Variants in GDPD4 observed in about 807,000 individuals in gnomAD.
GDPD4 encodes glycerophosphodiester phosphodiesterase domain containing 4.
In GDPD4, 60 loss-of-function variants were observed where a neutral mutation model predicts 67.8. The observed-to-expected ratio is 0.88, with a 90% confidence interval of 0.72 to 1.10. GDPD4 has a LOEUF of 1.10. Among genes scored for constraint, GDPD4 ranks in the 50% least tolerant of loss-of-function variants. The probability of loss-of-function intolerance (pLI) is 0.00; values close to 1 mark genes in which losing one functional copy is unlikely to be tolerated. For synonymous variants in GDPD4, 212 were observed against 210.9 expected (o/e 1.00, Z -0.04); for missense variants, 623 against 613.9 (o/e 1.01, Z -0.16).
chr11:77,244,938 A>G (rs192785435), intron 12 of GDPD4, among the ~76,000 whole-genome samples: 6 of 152,304 alleles, frequency 3.9e-5, no homozygotes, highest in Non-Finnish European at 5.9e-5. Context: ...AAGTCTTCAA[A>G]GCCTTAATGT....
At chr11:77,230,528 T>C (rs183825471) in intron 14 of GDPD4, among the ~76,000 whole-genome samples, 1 of 152,320 alleles carries the variant, frequency 6.6e-6, no homozygotes, top group Non-Finnish European at 1.5e-5. Context: ...TTCAGATTGA[T>C]TGTCCTAATG....
chr11:77,279,381 T>C lies in GDPD4; in HGVS notation c.72A>G (p.Thr24=). The C allele has an allele frequency of 1.2e-6, 2 of 1,610,306 alleles. No individual in the cohort carries two copies. Among genetic ancestry groups the C allele is most frequent in the Non-Finnish European group, 1.7e-6 (2 of 1,176,792 alleles). ...AAATAGACCAGAAAAACCAGTATCC[T>C]GTTCCTAGAAAAGTGACCCTGAAAA... ...FNFDWVTFLG[T]GYWFFWSIFI... Residue 24 remains threonine, a synonymous_variant, in exon 4 of 17, where the codon ACA becomes ACG. Coordinates refer to ENST00000315938, the MANE Select transcript of GDPD4 (RefSeq NM_182833.3).
At chr11:77,264,015 A>C (rs1959165778) in intron 10 of GDPD4, among the ~76,000 whole-genome samples, 1 of 152,174 alleles carries the variant, frequency 6.6e-6, no homozygotes, top group African/African-American at 2.4e-5. Context: ...GAGGAGGTCA[A>C]CATTTCTTCA....
intron 16 of GDPD4, among the ~76,000 whole-genome samples, chr11:77,219,340 C>G (rs1412072019): frequency 1.3e-5 from 2 of 152,170 alleles, no homozygotes; most frequent in Admixed American, 1.3e-4. Context: ...GTTACCTGTT[C>G]ACTCCGATGG....
At chr11:77,289,403 AAGAGACAG>A (rs1271324133) in intron 1 of GDPD4, among the ~76,000 whole-genome samples, 3 of 147,876 alleles carry the variant, frequency 2.0e-5, no homozygotes, top group Non-Finnish European at 4.5e-5. Flanking sequence ...GGAAGACGGA[AAGAGACAG>A]AGAGAGAAAG....
chr11:77,252,051 TTTG>T lies in GDPD4; in HGVS notation c.864+6332_864+6334del, dbSNP rs201054290. On this transcript the variant is annotated intron_variant, in intron 11 of 16. Transcript: ENST00000315938. ...GTGTCCATTTGGGTTTTTTTGTTTG[TTTG>T]TTTTTTTTTTGTTTTTTTTTTTTTT... 1.6e-3 allele frequency among the ~76,000 whole-genome samples: 124 copies of T among 79,080 alleles called. 2 individuals are homozygous for T. Among genetic ancestry groups the T allele is most frequent in the South Asian group, 3.7e-3 (10 of 2,674 alleles). The allele number at this position is 79,080 out of a possible 152,430, so 51.9% of individuals were successfully genotyped here. A position where few individuals can be genotyped will look rare whatever the true frequency, so the allele number is the denominator to read the frequency against.
chr11:77,240,637 C>T (rs1299717812), intron 13 of GDPD4, among the ~76,000 whole-genome samples: 1 of 152,068 alleles, frequency 6.6e-6, no homozygotes, highest in African/African-American at 2.4e-5. Context: ...ACCAACGGAA[C>T]TACATCAAAC....
rs552069906 is a variant in GDPD4, at chr11:77,277,431, C to T, written c.148-1211G>A. On this transcript the variant is annotated intron_variant, in intron 4 of 16. Transcript: ENST00000315938. The stretch of plus-strand genomic sequence containing the variant: ...TTTTTTTTTTTTTGAGACAGAGTCT[C>T]GCTCTGTCGTCCAGGCTGGAGTGCA... Among the ~76,000 whole-genome samples, 509 of 80,822 alleles carry T rather than the reference C, an allele frequency of 6.3e-3. 11 individuals are homozygous for T. The highest frequency in any genetic ancestry group is 0.019 in the African/African-American group (498 of 25,920). The allele number at this position is 80,822 out of a possible 152,430, so 53.0% of individuals were successfully genotyped here. A position where few individuals can be genotyped will look rare whatever the true frequency, so the allele number is the denominator to read the frequency against.
rs1300337282 is a variant in GDPD4 at position 77,245,385 on chromosome 11, C to T, written c.982G>A (p.Val328Met). ...GGAGGGCGATGAAGATCAAATATCA[C>T]AAATTTTCTTTCCTTCTCTGCAAGT... ...LTLAEKERKFVIFDLHRPPPK... is the reference protein window; with the variant it reads ...LTLAEKERKFMIFDLHRPPPK... Residue 328 changes from valine to methionine, a missense_variant, in exon 12 of 17, where the codon GTG (valine) becomes ATG (methionine). Transcript: ENST00000315938. 2.5e-6 allele frequency: 4 copies of T among 1,614,200 alleles called. No homozygotes were observed. Among genetic ancestry groups the T allele is most frequent in the Non-Finnish European group, 3.4e-6 (4 of 1,180,018 alleles).
intron 10 of GDPD4, among the ~76,000 whole-genome samples, chr11:77,262,520 T>A (rs1959138480): frequency 6.6e-6 from 1 of 152,200 alleles, no homozygotes; most frequent in Admixed American, 6.5e-5. Context: ...GCATCCCCAG[T>A]GTATCTATAG....
intron 1 of GDPD4, among the ~76,000 whole-genome samples, chr11:77,294,078 T>C (rs1490376373): frequency 1.3e-5 from 2 of 152,164 alleles, no homozygotes; most frequent in African/African-American, 4.8e-5. Context: ...TTTTATAGAC[T>C]AGAAATGAAC....
chr11:77,259,159 T>C (rs1211536826), intron 10 of GDPD4, among the ~76,000 whole-genome samples: 1 of 152,086 alleles, frequency 6.6e-6, no homozygotes. Context: ...TTGTATTTTT[T>C]AGTAGAGACA....
chr11:77,269,738 T>C (rs1959197348), intron 8 of GDPD4, 145 bp downstream of exon 8: 4 of 539,662 alleles, frequency 7.4e-6, no homozygotes, highest in Non-Finnish European at 1.3e-5. Context: ...CACATTCACA[T>C]ACAGAGCCTG....
At chr11:77,276,282 C>A in intron 4 of GDPD4, 62 bp from the exon 5 acceptor site, 2 of 1,267,640 alleles carry the variant, frequency 1.6e-6, no homozygotes, top group Non-Finnish European at 2.3e-6. Context: ...ACCCAAAGCA[C>A]TGTTCCTATA....
At chr11:77,266,226 A>G (rs1318012328) in intron 10 of GDPD4, among the ~76,000 whole-genome samples, 1 of 152,190 alleles carries the variant, frequency 6.6e-6, no homozygotes, top group Admixed American at 6.5e-5. Context: ...GTGCCACATA[A>G]TGACAATTCA....
rs182786539 is a variant in GDPD4, at chr11:77,235,810, G to T, written c.1242-2638C>A. Among the ~76,000 whole-genome samples, 5 of 152,172 alleles carry T rather than the reference G, an allele frequency of 3.3e-5. No individual in the cohort carries two copies. The South Asian group carries it at 1.0e-3, about 32-fold the overall frequency. On this transcript the variant is annotated intron_variant, in intron 13 of 16. Transcript: ENST00000315938. ...CTGTACAAAAAAATTTTAAAAAATA[G>T]CCAGGTGTGGTGGCACATGCCTATA...
At chr11:77,228,708 T>A (rs915117589) in intron 15 of GDPD4, among the ~76,000 whole-genome samples, 1 of 151,650 alleles carries the variant, frequency 6.6e-6, no homozygotes. Flanking sequence ...ACAAAAAAAA[T>A]ATTATGGCCC....
Position 77,217,298 on chromosome 11 carries a change from A to ACTT in GDPD4, c.1539_1541dup (p.Gly513_Ser514insArg), listed in dbSNP as rs1958143158. Reference sequence around the variant, plus strand: ...CTATCTATCTATCTTCCTCATTCTTACTTCCACTCTGAGTATCTGTGGGAT... The same window carrying ACTT: ...CTATCTATCTATCTTCCTCATTCTTACTTCTTCCACTCTGAGTATCTGTGGGAT... On this transcript the variant is annotated inframe_insertion, in exon 17 of 17. Coordinates refer to ENST00000315938, the MANE Select transcript of GDPD4 (RefSeq NM_182833.3). 3.1e-6 allele frequency: 5 copies of ACTT among 1,607,272 alleles called. No individual in the cohort carries two copies. The highest frequency in any genetic ancestry group is 1.3e-5 in the African/African-American group (1 of 74,706).
At chr11:77,269,751 C>A (rs1959197442) in intron 8 of GDPD4, 132 bp downstream of exon 8, 1 of 599,084 alleles carries the variant, frequency 1.7e-6, no homozygotes, top group Non-Finnish European at 3.0e-6. Flanking sequence ...AGAGCCTGTA[C>A]ACAATGCCTG....
Sources: gnomAD v4.1 joint callset for allele counts (sites outside exome capture counted in the v4.1 genomes callset) on GRCh38, gnomAD v4.1.1 for gene constraint, MANE v1.5 for transcripts, NCBI Gene and HGNC (gene_info 2026-07-23, HGNC 2026-07-21) for gene names.